Variants in PCARE observed in about 807,000 individuals in gnomAD.
The protein encoded by PCARE is uncharacterized protein C2orf71.
Under a neutral mutation model 82.2 loss-of-function variants are expected in PCARE, and 72 were observed. The ratio of observed to expected loss-of-function variants is 0.88; its 90% CI spans 0.72 to 1.07. The LOEUF (loss-of-function observed/expected upper bound fraction) is 1.07. Among genes scored for constraint, PCARE ranks in the 50% least tolerant of loss-of-function variants. The pLI, the probability that PCARE is intolerant of heterozygous loss-of-function variation, is 0.00. For missense variants in PCARE, 1,768 were observed against 1,592.4 expected, an observed-to-expected ratio of 1.11 and a Z score of -1.88; for synonymous variants, 705 against 634.8, an observed-to-expected ratio of 1.11 and a Z score of -1.66.
At position 29,074,241 on chromosome 2, in the gene PCARE, G is replaced by A; in HGVS notation, c.21C>T (p.His7=). MGCTPS[H]SDLVNSVAKS... is the part of the protein sequence containing the mutation. ...TTGCAACGCTGTTTACAAGGTCACT[G>A]TGTGAAGGTGTACACCCCATGATTT... Residue 7 remains histidine, a synonymous_variant, in exon 1 of 2, where the codon CAC becomes CAT. Transcript: ENST00000331664. 2 of 1,557,842 alleles carry A rather than the reference G, an allele frequency of 1.3e-6. No individual in the cohort carries two copies. Among genetic ancestry groups the A allele is most frequent in the Non-Finnish European group, 1.7e-6 (2 of 1,153,122 alleles).
Position 29,073,325 on chromosome 2 carries a change from T to G in PCARE, c.937A>C (p.Thr313Pro). Residue 313 changes from threonine to proline, a missense_variant, in exon 1 of 2, where the codon ACA (threonine) becomes CCA (proline). Transcript: ENST00000331664. The stretch of plus-strand genomic sequence containing the variant: ...AGGCGTTCATCCACATTCCTTTTTG[T>G]GCTCAGCTTATTTTCCAAGTGGGTT... The part of the protein sequence containing the change: ...TATHLENKLS[T>P]KRNVDERLLR... 1 of 1,614,176 alleles carries G rather than the reference T, an allele frequency of 6.2e-7. No individual in the cohort carries two copies. Among genetic ancestry groups the G allele is most frequent in the East Asian group, 2.2e-5 (1 of 44,888 alleles).
At position 29,072,486 on chromosome 2, in the gene PCARE, C is replaced by G; in HGVS notation, c.1776G>C (p.Thr592=). Residue 592 remains threonine, a synonymous_variant, in exon 1 of 2, where the codon ACG becomes ACC. Transcript: ENST00000331664. ...GGAGACACGACTCTGACTGGGACCT[C>G]GTCTGCCTCTCAGGGGCCCTCCTGC... ...SGSRRAPERQ[T]RSQSESCLQS... is the part of the protein sequence containing the mutation. 6.2e-7 allele frequency: 1 copy of G among 1,614,202 alleles called. No individual in the cohort carries two copies. The highest frequency in any genetic ancestry group is 8.5e-7 in the Non-Finnish European group (1 of 1,180,042).
chr2:29,066,496 C>G (rs990726088), intron 1 of PCARE, among the ~76,000 whole-genome samples: 1 of 152,248 alleles, frequency 6.6e-6, no homozygotes, highest in African/African-American at 2.4e-5. Flanking sequence ...CTTGCCTGAT[C>G]TGTGAGCTTT....
Position 29,071,335 on chromosome 2 carries a change from C to T in PCARE, c.2927G>A (p.Ser976Asn), listed in dbSNP as rs1006981544. Residue 976 changes from serine (S) to asparagine (N), a missense_variant, in exon 1 of 2, where the codon AGC becomes AAC. Ser to Asn is a conservative substitution (Grantham distance 46). Coordinates refer to ENST00000331664, the MANE Select transcript of PCARE (RefSeq NM_001029883.3). ...TCGGCTCTGCCTTGGTCTGGCCAGG[C>T]TGGACTCTGAGGTCCTGTTTTGTCC... ...PSGQNRTSESSLARPRQSRER... is the reference protein window; with the variant it reads ...PSGQNRTSESNLARPRQSRER... 1.9e-6 allele frequency: 3 copies of T among 1,613,514 alleles called. No individual in the cohort carries two copies. In the African/African-American group the frequency reaches 4.0e-5, roughly 22 times the overall value.
At position 29,070,638 on chromosome 2, in the gene PCARE, C is replaced by T; in HGVS notation, c.3624G>A (p.Leu1208=). The change falls in exon 1 of 2, where the codon TTG becomes TTA. Residue 1208 remains leucine (L), a synonymous_variant. Transcript: ENST00000331664. ...ATTCATAAGAGGTGCTGGTGGGGTC[C>T]AAGGTGGGAGGCTGCGGTCGGCCAC... ...QPGGRPQPPT[L]DPTSTSYESQ... is the part of the protein sequence containing the mutation. 1.2e-6 allele frequency: 2 copies of T among 1,614,032 alleles called. No homozygotes were observed. Among genetic ancestry groups the T allele is most frequent in the Non-Finnish European group, 1.7e-6 (2 of 1,179,932 alleles).
rs757483315 is a variant in PCARE at position 29,071,964 on chromosome 2, G to C, written c.2298C>G (p.Pro766=). The change falls in exon 1 of 2, where the codon CCC becomes CCG. Residue 766 remains proline, a synonymous_variant. Transcript: ENST00000331664. The part of the protein sequence containing the change: ...SPCLRNCIMP[P]RFPKYTGLAP... ...CAAGCCCTGTGTACTTGGGAAATCT[G>C]GGGGGCATGATGCAATTCCTGAGGC... 2.5e-6 allele frequency: 4 copies of C among 1,613,854 alleles called. No individual in the cohort carries two copies. The highest frequency in any genetic ancestry group is 3.4e-6 in the Non-Finnish European group (4 of 1,179,886).
Position 29,072,799 on chromosome 2 carries a change from C to A in PCARE, c.1463G>T (p.Ser488Ile), listed in dbSNP as rs1180419201. The A allele has an allele frequency of 3.1e-6, 5 of 1,614,080 alleles. No individual in the cohort carries two copies. Among genetic ancestry groups the A allele is most frequent in the Non-Finnish European group, 4.2e-6 (5 of 1,180,044 alleles). The change falls in exon 1 of 2, where the codon AGC becomes ATC. Residue 488 changes from serine to isoleucine, a missense_variant. By Grantham distance (142) the Ser-to-Ile change is moderately radical (BLOSUM62 -2). Transcript: ENST00000331664. ...ASSLSDSEDSSPEEEEEDKMS... is the reference protein window; with the variant it reads ...ASSLSDSEDSIPEEEEEDKMS... ...TTTGTCTTCCTCCTCCTCCTCTGGG[C>A]TGCTGTCCTCGCTGTCACTAAGAGA...
intron 1 of PCARE, among the ~76,000 whole-genome samples, chr2:29,066,017 G>A (rs969645529): frequency 1.3e-5 from 2 of 152,146 alleles, no homozygotes; most frequent in African/African-American, 4.8e-5. Flanking sequence ...GCATAGTGGT[G>A]GACACCTGTA....
At chr2:29,070,477 T>C in intron 1 of PCARE, 117 bp downstream of exon 1, 1 of 1,416,640 alleles carries the variant, frequency 7.1e-7, no homozygotes. Context: ...CCCAACTGCC[T>C]CTTCTCTTGG....
Position 29,073,692 on chromosome 2 carries a change from A to G in PCARE, c.570T>C (p.Tyr190=), listed in dbSNP as rs371669661. 4 of 1,614,038 alleles carry G rather than the reference A, an allele frequency of 2.5e-6. No individual in the cohort carries two copies. In the African/African-American group the frequency reaches 5.3e-5, roughly 22 times the overall value. Residue 190 remains tyrosine, a synonymous_variant, in exon 1 of 2, where the codon TAT becomes TAC. Transcript: ENST00000331664. ...LVKAHQQAYT[Y]LHSSLSKYEA... is the part of the protein sequence containing the mutation. ...CATATTTGGAGAGGCTGGAGTGTAG[A>G]TAGGTGTAAGCCTGCTGGTGGGCCT...
Position 29,073,323 on chromosome 2 carries a change from T to G in PCARE, c.939A>C (p.Thr313=). The change falls in exon 1 of 2, where the codon ACA becomes ACC. Residue 313 remains threonine (T), a synonymous_variant. Transcript: ENST00000331664. ...GGAGGCGTTCATCCACATTCCTTTT[T>G]GTGCTCAGCTTATTTTCCAAGTGGG... ...TATHLENKLS[T]KRNVDERLLR... The G allele has an allele frequency of 6.2e-7, 1 of 1,614,172 alleles. No individual in the cohort carries two copies. The highest frequency in any genetic ancestry group is 8.5e-7 in the Non-Finnish European group (1 of 1,180,036).
rs1667324145 is a variant in PCARE, at chr2:29,062,419, T to G, written c.*2450A>C. ...TGATGGCAGGATCCCGGGTGCCCTG[T>G]ACCCCTTCGTCTGCTGCCTGCAATA... On this transcript the variant is annotated 3_prime_UTR_variant, in exon 2 of 2. Coordinates refer to ENST00000331664, the MANE Select transcript of PCARE (RefSeq NM_001029883.3). 1 of 152,324 alleles carries G rather than the reference T, an allele frequency of 6.6e-6. No homozygotes were observed. Among genetic ancestry groups the G allele is most frequent in the Non-Finnish European group, 1.5e-5 (1 of 68,118 alleles). The allele number at this position is 152,324 out of a possible 1,614,324, so 9.4% of individuals were successfully genotyped here.
chr2:29,072,493 C>A lies in PCARE; in HGVS notation c.1769G>T (p.Arg590Met). ...TVSGSRRAPERQTRSQSESCL... is the reference protein window; with the variant it reads ...TVSGSRRAPEMQTRSQSESCL... ...CGACTCTGACTGGGACCTCGTCTGC[C>A]TCTCAGGGGCCCTCCTGCTGCCACT... is the stretch of plus-strand genomic sequence containing the variant. The change falls in exon 1 of 2, where the codon AGG becomes ATG. Residue 590 changes from arginine to methionine, a missense_variant. Physicochemically the swap from Arg to Met is moderately conservative, Grantham distance 91. Coordinates refer to ENST00000331664, the MANE Select transcript of PCARE (RefSeq NM_001029883.3). 1 of 1,614,240 alleles carries A rather than the reference C, an allele frequency of 6.2e-7. No homozygotes were observed. The highest frequency in any genetic ancestry group is 2.2e-5 in the East Asian group (1 of 44,886).
intron 1 of PCARE, among the ~76,000 whole-genome samples, chr2:29,067,733 C>A (rs554178915): frequency 2.0e-5 from 3 of 152,120 alleles, no homozygotes; most frequent in Non-Finnish European, 4.4e-5. Flanking sequence ...TTAGTAGAGA[C>A]GGGGTTTTAC....
chr2:29,070,267 T>A (rs1366791510), intron 1 of PCARE, among the ~76,000 whole-genome samples: 1 of 152,142 alleles, frequency 6.6e-6, no homozygotes, highest in East Asian at 1.9e-4. Flanking sequence ...CTCCCTCCCC[T>A]TGTTCCCTAC....
chr2:29,071,218 G>T lies in PCARE; in HGVS notation c.3044C>A (p.Ser1015Tyr), dbSNP rs202196567. Residue 1015 changes from serine (S) to tyrosine (Y), a missense_variant, in exon 1 of 2, where the codon TCT becomes TAT. Physicochemically the swap from Ser to Tyr is moderately radical, Grantham distance 144 (BLOSUM62 -2). Coordinates refer to ENST00000331664, the MANE Select transcript of PCARE (RefSeq NM_001029883.3). Reference sequence around the variant, plus strand: ...GGGGCTTGGCTGGGCAGGTCTGTAAGAGGAGGGAAGGCTCCGGCGCCTCTT... The same window carrying T: ...GGGGCTTGGCTGGGCAGGTCTGTAATAGGAGGGAAGGCTCCGGCGCCTCTT... ...ADKRRRSLPSSYRPAQPSPSA... is the reference protein window; with the variant it reads ...ADKRRRSLPSYYRPAQPSPSA... 345 of 1,608,528 alleles carry T rather than the reference G, an allele frequency of 2.1e-4. No homozygotes were observed. The highest frequency in any genetic ancestry group is 1.2e-3 in the Middle Eastern group (7 of 5,858).
At position 29,072,279 on chromosome 2, in the gene PCARE, GTTGC is replaced by G; in HGVS notation, c.1979_1982del (p.Ser660ThrfsTer84). 5.6e-6 allele frequency: 9 copies of G among 1,614,246 alleles called. No homozygotes were observed. The highest frequency in any genetic ancestry group is 7.6e-6 in the Non-Finnish European group (9 of 1,180,042). On this transcript the variant is annotated frameshift_variant, in exon 1 of 2. Transcript: ENST00000331664. LOFTEE classifies it high-confidence loss of function. Reference sequence around the variant, plus strand: ...GGGATGCCTTGAGCCTGCTGGTGGTGTTGCTTGGACTGACCCTGCAGGTGCCATT... The same window carrying G: ...GGGATGCCTTGAGCCTGCTGGTGGTGTTGGACTGACCCTGCAGGTGCCATT...
chr2:29,072,441 G>C lies in PCARE; in HGVS notation c.1821C>G (p.Pro607=). Residue 607 remains proline, a synonymous_variant, in exon 1 of 2, where the codon CCC becomes CCG. Coordinates refer to ENST00000331664, the MANE Select transcript of PCARE (RefSeq NM_001029883.3). ...GGACCCTTCGCAGCTCCTGAAAGGT[G>C]GGGTCCTCCACGTGACTCTGGAGAC... The part of the protein sequence containing the change: ...ESCLQSHVED[P]TFQELRRVQR... 1 of 1,614,178 alleles carries C rather than the reference G, an allele frequency of 6.2e-7. No homozygotes were observed.
rs200071634 is a variant in PCARE, at chr2:29,070,657, C to T, written c.3605G>A (p.Arg1202Gln). 7.3e-5 allele frequency: 118 copies of T among 1,613,928 alleles called. No homozygotes were observed. Among genetic ancestry groups the T allele is most frequent in the Non-Finnish European group, 9.1e-5 (107 of 1,179,988 alleles). The stretch of plus-strand genomic sequence containing the variant: ...GGGGTCCAAGGTGGGAGGCTGCGGT[C>T]GGCCACCTGGCTGGCGGTCAGAAGC... ...RTASDRQPGG[R>Q]PQPPTLDPTS... The change falls in exon 1 of 2, where the codon CGA becomes CAA. Residue 1202 changes from arginine to glutamine, a missense_variant. Arg to Gln is a conservative substitution (Grantham distance 43, BLOSUM62 1). Transcript: ENST00000331664.
Sources: allele counts gnomAD v4.1 joint callset (sites outside exome capture counted in the v4.1 genomes callset), GRCh38; gene constraint gnomAD v4.1.1; transcripts MANE v1.5; gene names NCBI Gene and HGNC (gene_info 2026-07-23, HGNC 2026-07-21).